Variants in KIAA1143 observed in about 807,000 individuals in gnomAD.
The protein encoded by KIAA1143 is KIAA1143.
In KIAA1143, 8 loss-of-function variants were observed where a neutral mutation model predicts 17.0. The observed-to-expected ratio is 0.47, with a 90% CI of 0.28 to 0.85. KIAA1143 has a LOEUF of 0.85. Among genes scored for constraint, KIAA1143 ranks in the 40% least tolerant of loss-of-function variants. The pLI is 0.12. For synonymous variants in KIAA1143, 64 were observed against 67.8 expected (o/e 0.94, Z 0.27); for missense variants, 162 against 183.3 (o/e 0.88, Z 0.67).
chr3:44,752,387 A>G lies in KIAA1143; in HGVS notation c.*954T>C, dbSNP rs1704903481. The G allele has an allele frequency of 6.6e-6, 1 of 151,876 alleles. No individual in the cohort carries two copies. Among genetic ancestry groups the G allele is most frequent in the Non-Finnish European group, 1.5e-5 (1 of 67,960 alleles). 9.4% of individuals were successfully genotyped at this position (151,876 alleles called of 1,614,324 possible). On this transcript the variant is annotated 3_prime_UTR_variant, in exon 3 of 3. Transcript: ENST00000296121. ...TTCATTGCTTTGTGCGTTTTGTTCAATTATTTGTCCAAAATGCCAAGAACC... is the reference window on the plus strand; with the variant it reads ...TTCATTGCTTTGTGCGTTTTGTTCAGTTATTTGTCCAAAATGCCAAGAACC...
At chr3:44,757,652 T>C (rs1383501659) in intron 1 of KIAA1143, among the ~76,000 whole-genome samples, 1 of 152,132 alleles carries the variant, frequency 6.6e-6, no homozygotes, top group Admixed American at 6.5e-5. Context: ...AGTTGCAATA[T>C]AAAATGAATG....
At chr3:44,754,095 A>G in intron 2 of KIAA1143, 129 bp downstream of exon 2, 12 of 811,608 alleles carry the variant, frequency 1.5e-5, no homozygotes, top group Non-Finnish European at 2.2e-5. Flanking sequence ...CACATCTGGT[A>G]AGTGTCAAAG....
rs556322881 is a variant in KIAA1143, at chr3:44,761,606, A to T, written c.-4T>A. The T allele has an allele frequency of 6.4e-7, 1 of 1,567,692 alleles. No homozygotes were observed. The highest frequency in any genetic ancestry group is 1.7e-5 in the African/African-American group (1 of 59,894). ...ATACCTGGTTCCGCTTGCTCATGGT[A>T]GCTCTGGGTAAAGACAGAAGACAGG... On this transcript the variant is annotated 5_prime_UTR_variant, in exon 1 of 3. Coordinates refer to ENST00000296121, the MANE Select transcript of KIAA1143 (RefSeq NM_020696.4).
chr3:44,754,746 A>T (rs1333128370), intron 1 of KIAA1143, among the ~76,000 whole-genome samples: 1 of 152,166 alleles, frequency 6.6e-6, no homozygotes, highest in Non-Finnish European at 1.5e-5. Flanking sequence ...TTAGACAAGA[A>T]ATAAACACCA....
Position 44,752,530 on chromosome 3 carries a change from C to T in KIAA1143, c.*811G>A, listed in dbSNP as rs1208564266. On this transcript the variant is annotated 3_prime_UTR_variant, in exon 3 of 3. Transcript: ENST00000296121. ...CTAATTAAGCACAGTGTTTATTCTT[C>T]TCACTACCAAGAAGTCAGAGGTCAG... 2.6e-5 allele frequency: 4 copies of T among 152,168 alleles called. No individual in the cohort carries two copies. The highest frequency in any genetic ancestry group is 9.7e-5 in the African/African-American group (4 of 41,420). The allele number at this position is 152,168 out of a possible 1,614,324, so 9.4% of individuals were successfully genotyped here. A position where few individuals can be genotyped will look rare whatever the true frequency, so the allele number is the denominator to read the frequency against.
At chr3:44,754,954 A>G (rs1704947748) in intron 1 of KIAA1143, among the ~76,000 whole-genome samples, 1 of 152,174 alleles carries the variant, frequency 6.6e-6, no homozygotes, top group Non-Finnish European at 1.5e-5. Flanking sequence ...CCTATTTATG[A>G]AATTTCTCAA....
intron 1 of KIAA1143, among the ~76,000 whole-genome samples, chr3:44,758,028 A>G (rs1705002528): frequency 6.6e-6 from 1 of 152,256 alleles, no homozygotes; most frequent in South Asian, 2.1e-4. Flanking sequence ...TATGTCTAAA[A>G]AAATCTAGAT....
chr3:44,754,097 G>T, intron 2 of KIAA1143, 127 bp downstream of exon 2: 1 of 832,874 alleles, frequency 1.2e-6, no homozygotes, highest in Non-Finnish European at 1.9e-6. Context: ...CATCTGGTAA[G>T]TGTCAAAGCT....
rs1704923793 is a variant in KIAA1143, at chr3:44,753,559, A to C, written c.254-7T>G. The C allele has an allele frequency of 6.3e-7, 1 of 1,598,590 alleles. No homozygotes were observed. Among genetic ancestry groups the C allele is most frequent in the Non-Finnish European group, 8.5e-7 (1 of 1,173,216 alleles). On this transcript the variant is annotated splice_polypyrimidine_tract_variant and splice_region_variant and intron_variant, in intron 2 of 2. Transcript: ENST00000296121. ...GCTGGAGTTGGTTCTTCATCTGAGC[A>C]AAAACAGAATTTTTAAGAACTTTCT...
chr3:44,756,601 A>G (rs959600607), intron 1 of KIAA1143, among the ~76,000 whole-genome samples: 2 of 152,224 alleles, frequency 1.3e-5, no homozygotes, highest in Admixed American at 1.3e-4. Flanking sequence ...TAGCTTAATT[A>G]TGGAATGATT....
intron 1 of KIAA1143, among the ~76,000 whole-genome samples, chr3:44,757,578 G>A (rs541901185): frequency 8.5e-5 from 13 of 152,312 alleles, no homozygotes; most frequent in Admixed American, 5.2e-4. Flanking sequence ...GGGAAAATAC[G>A]GAAGGATTAA....
chr3:44,758,639 TC>T (rs1418908692), intron 1 of KIAA1143, among the ~76,000 whole-genome samples: 1 of 152,150 alleles, frequency 6.6e-6, no homozygotes, highest in African/African-American at 2.4e-5. Context: ...TGCAATTACT[TC>T]CTCCACTGAA....
At position 44,750,312 on chromosome 3, in the gene KIAA1143, T is replaced by C. The variant is rs1176043883; in HGVS notation, c.*3029A>G. ...AGGCTTATTTGTAATGTTTGAATTA[T>C]ACAGGAAACATTGTCAAGTGTGAGG... On this transcript the variant is annotated 3_prime_UTR_variant, in exon 3 of 3. Transcript: ENST00000296121. The C allele has an allele frequency of 3.3e-5, 5 of 152,240 alleles. No individual in the cohort carries two copies. Among genetic ancestry groups the C allele is most frequent in the Admixed American group, 6.5e-5 (1 of 15,284 alleles). The allele number at this position is 152,240 out of a possible 1,614,324, so 9.4% of individuals were successfully genotyped here.
chr3:44,759,510 G>C (rs1272881160), intron 1 of KIAA1143, among the ~76,000 whole-genome samples: 1 of 152,040 alleles, frequency 6.6e-6, no homozygotes, highest in Non-Finnish European at 1.5e-5. Flanking sequence ...GTAAGTATTA[G>C]CTTCAACTTA....
intron 1 of KIAA1143, among the ~76,000 whole-genome samples, chr3:44,758,315 A>G (rs1309472153): frequency 6.6e-6 from 1 of 152,080 alleles, no homozygotes; most frequent in Admixed American, 6.5e-5. Context: ...TCCTTTCACA[A>G]AAGATTTCTC....
rs1232253120 is a variant in KIAA1143, at chr3:44,748,913, C to A, written c.*4428G>T. ...AACAGTGTAGTTTGGTACAATAACA[C>A]ATATAGCAATGATACAAATTAGGGG... On this transcript the variant is annotated 3_prime_UTR_variant, in exon 3 of 3. Transcript: ENST00000296121. 1 of 152,088 alleles carries A rather than the reference C, an allele frequency of 6.6e-6. No individual in the cohort carries two copies. Among genetic ancestry groups the A allele is most frequent in the Admixed American group, 6.5e-5 (1 of 15,272 alleles). The allele number at this position is 152,088 out of a possible 1,614,324, so 9.4% of individuals were successfully genotyped here.
rs1454848221 is a variant in KIAA1143, at chr3:44,751,408, T to C, written c.*1933A>G. The C allele has an allele frequency of 6.6e-6, 1 of 152,190 alleles. No homozygotes were observed. Among genetic ancestry groups the C allele is most frequent in the Non-Finnish European group, 1.5e-5 (1 of 68,038 alleles). 9.4% of individuals were successfully genotyped at this position (152,190 alleles called of 1,614,324 possible). On this transcript the variant is annotated 3_prime_UTR_variant, in exon 3 of 3. Transcript: ENST00000296121. ...GATTTTATGGAAAGCCTGGATAACA[T>C]TGCTCAAAGTATTGTCACCTTACAA...
At chr3:44,756,614 C>G (rs1704977499) in intron 1 of KIAA1143, among the ~76,000 whole-genome samples, 1 of 152,116 alleles carries the variant, frequency 6.6e-6, no homozygotes, top group African/African-American at 2.4e-5. Flanking sequence ...GAATGATTTC[C>G]CATGAAACTC....
In KIAA1143 at chr3:44,752,569, T is replaced by C. The variant is rs1016924563; in HGVS notation, c.*772A>G. The stretch of plus-strand genomic sequence containing the variant: ...GTCAGAGGTCAGCAATCCAAGCTGG[T>C]GTAGCAGCTCCTCCAGGCATGTCAG... On this transcript the variant is annotated 3_prime_UTR_variant, in exon 3 of 3. Coordinates refer to ENST00000296121, the MANE Select transcript of KIAA1143 (RefSeq NM_020696.4). The C allele has an allele frequency of 6.6e-5, 10 of 152,016 alleles. No homozygotes were observed. The highest frequency in any genetic ancestry group is 1.9e-4 in the African/African-American group (8 of 41,408). The allele number at this position is 152,016 out of a possible 1,614,324, so 9.4% of individuals were successfully genotyped here. A position where few individuals can be genotyped will look rare whatever the true frequency, so the allele number is the denominator to read the frequency against.
Sources: gnomAD v4.1 joint callset for allele counts (sites outside exome capture counted in the v4.1 genomes callset) on GRCh38, gnomAD v4.1.1 for gene constraint, MANE v1.5 for transcripts, NCBI Gene and HGNC (gene_info 2026-07-23, HGNC 2026-07-21) for gene names.